The following STK3 variants were observed in gnomAD, a reference collection of about 807,000 sequenced individuals.
STK3 encodes serine/threonine kinase 3, also known as serine/threonine-protein kinase 3.
In STK3, 41 loss-of-function variants were observed where a neutral mutation model predicts 58.0. The ratio of observed to expected loss-of-function variants is 0.71; its 90% CI spans 0.55 to 0.92. The LOEUF is 0.92. STK3 is among the 40% of genes least tolerant of loss of function. The probability of loss-of-function intolerance (pLI) is 0.00; values close to 1 mark genes in which losing one functional copy is unlikely to be tolerated. For missense variants in STK3, 479 were observed against 602.7 expected (o/e 0.79, Z 2.15); for synonymous variants, 170 against 191.0 (o/e 0.89, Z 0.91).
At chr8:98,940,189 T>G (rs1840355130) in intron 1 of STK3, among the ~76,000 whole-genome samples, 1 of 152,078 alleles carries the variant, frequency 6.6e-6, no homozygotes, top group African/African-American at 2.4e-5. Flanking sequence ...ATCCAGCTTG[T>G]GCAGGAGCCG....
rs149735330 is a variant in STK3 at position 98,495,616 on chromosome 8, C to A, written c.1317+31126G>T. Among the ~76,000 whole-genome samples, 299 of 152,264 alleles carry A rather than the reference C, an allele frequency of 2.0e-3. 1 individual carries two copies. Among genetic ancestry groups the A allele is most frequent in the African/African-American group, 6.8e-3 (282 of 41,560 alleles). ...TACATAAAACAAAACATCATTTAAA[C>A]AAAAGGTGGCCTTGAACTTAATCTA... On this transcript the variant is annotated intron_variant, in intron 10 of 10. Transcript: ENST00000419617.
At chr8:98,826,073 G>C (rs542501258), upstream of STK3, among the ~76,000 whole-genome samples, 1 of 152,262 alleles carries the variant, frequency 6.6e-6, no homozygotes, top group South Asian at 2.1e-4. Flanking sequence ...GCTAGAGCTA[G>C]GGGGCGAGGC....
At chr8:98,545,130 C>T (rs1442412781) in intron 9 of STK3, among the ~76,000 whole-genome samples, 2 of 152,170 alleles carry the variant, frequency 1.3e-5, no homozygotes, top group Admixed American at 6.5e-5. Flanking sequence ...TAATCTACTC[C>T]AGGATAATAA....
chr8:98,639,820 T>G (rs553678646), intron 6 of STK3, among the ~76,000 whole-genome samples: 2 of 152,208 alleles, frequency 1.3e-5, no homozygotes, highest in African/African-American at 4.8e-5. Context: ...TTTAAATATT[T>G]TGGTTCCTGG....
At chr8:98,623,482 C>T (rs1818483236) in intron 6 of STK3, among the ~76,000 whole-genome samples, 1 of 152,152 alleles carries the variant, frequency 6.6e-6, no homozygotes, top group Non-Finnish European at 1.5e-5. Flanking sequence ...GGAATGTGTA[C>T]ATTCAAAACC....
At chr8:98,751,038 G>C (rs117862312) in intron 3 of STK3, among the ~76,000 whole-genome samples, 1 of 152,034 alleles carries the variant, frequency 6.6e-6, no homozygotes, top group Non-Finnish European at 1.5e-5. Flanking sequence ...AAAGGCTTTC[G>C]ATAAAATCAG....
At chr8:98,860,648 A>G (rs1416638814) in intron 3 of STK3, among the ~76,000 whole-genome samples, 1 of 152,214 alleles carries the variant, frequency 6.6e-6, no homozygotes, top group Non-Finnish European at 1.5e-5. Flanking sequence ...TAAATGTGAA[A>G]CAGGAGTGAA....
intron 10 of STK3, among the ~76,000 whole-genome samples, chr8:98,481,444 A>T (rs1821845614): frequency 6.6e-6 from 1 of 152,230 alleles, no homozygotes. Context: ...TTTTGTAGCA[A>T]CTTGGATGGA....
chr8:98,795,885 A>T (rs1447122204), intron 1 of STK3, among the ~76,000 whole-genome samples: 8 of 152,130 alleles, frequency 5.3e-5, no homozygotes, highest in Non-Finnish European at 1.2e-4. Context: ...ACATCTAACC[A>T]AGGGGATGAA....
downstream of STK3, chr8:98,880,337 G>T (rs532031338): frequency 1.3e-5 from 2 of 152,244 alleles, no homozygotes; most frequent in South Asian, 4.1e-4. Flanking sequence ...GCATTAAAAT[G>T]ATCTATAACA....
chr8:98,919,960 G>A (rs568880317), intron 1 of STK3, among the ~76,000 whole-genome samples: 3 of 152,272 alleles, frequency 2.0e-5, no homozygotes, highest in East Asian at 1.9e-4. Context: ...TTAATCCCAC[G>A]TGTTATATAT....
chr8:98,638,006 A>C (rs1253861952), intron 6 of STK3, among the ~76,000 whole-genome samples: 1 of 152,162 alleles, frequency 6.6e-6, no homozygotes, highest in East Asian at 1.9e-4. Context: ...ATTCCTTTTA[A>C]ACTCTCTACT....
chr8:98,899,083 AG>A (rs1417361117), intron 1 of STK3, among the ~76,000 whole-genome samples: 1 of 152,214 alleles, frequency 6.6e-6, no homozygotes, highest in African/African-American at 2.4e-5. Flanking sequence ...TTTTATAAAT[AG>A]AAAGAAACAA....
intron 1 of STK3, among the ~76,000 whole-genome samples, chr8:98,796,264 C>CA (rs953755527): frequency 6.6e-6 from 1 of 152,064 alleles, no homozygotes; most frequent in East Asian, 1.9e-4. Context: ...CTACTTTAAC[C>CA]AAAAAATCAT....
chr8:98,838,390 A>C (rs770418296), intron 3 of STK3, among the ~76,000 whole-genome samples: 1 of 151,928 alleles, frequency 6.6e-6, no homozygotes. Flanking sequence ...ATGTGTCTTG[A>C]CTGAACTAAG....
intron 1 of STK3, among the ~76,000 whole-genome samples, chr8:98,385,960 A>G (rs1449889435): frequency 6.6e-6 from 1 of 152,144 alleles, no homozygotes; most frequent in Non-Finnish European, 1.5e-5. Context: ...ATGAGCCAAG[A>G]GATGTGTTAG....
intron 4 of STK3, among the ~76,000 whole-genome samples, chr8:98,709,032 G>T (rs1488836156): frequency 6.6e-6 from 1 of 150,990 alleles, no homozygotes. Flanking sequence ...GGAGAGAGGG[G>T]GTAGAGATTT....
chr8:98,656,475 T>TA (rs1427179357), intron 6 of STK3, among the ~76,000 whole-genome samples: 1 of 144,570 alleles, frequency 6.9e-6, no homozygotes, highest in Non-Finnish European at 1.5e-5. Flanking sequence ...CCCTAAAACT[T>TA]AAAGTATAAT....
intron 7 of STK3, among the ~76,000 whole-genome samples, chr8:98,581,751 G>C (rs1039006621): frequency 6.6e-6 from 1 of 151,800 alleles, no homozygotes; most frequent in African/African-American, 2.4e-5. Context: ...GAGGGAAAAA[G>C]AAACCCCAGG....
Sources: gnomAD v4.1 joint callset for allele counts (sites outside exome capture counted in the v4.1 genomes callset) on GRCh38, gnomAD v4.1.1 for gene constraint, MANE v1.5 for transcripts, NCBI Gene and HGNC (gene_info 2026-07-23, HGNC 2026-07-21) for gene names.